The following SLC39A11 variants were observed in gnomAD, a reference collection of about 807,000 sequenced individuals.
SLC39A11 encodes the protein solute carrier family 39 member 11.
Under a neutral mutation model 36.1 loss-of-function variants are expected in SLC39A11, and 33 were observed. The ratio of observed to expected loss-of-function variants is 0.91; its 90% CI spans 0.69 to 1.22. The LOEUF is 1.22. Among genes scored for constraint, SLC39A11 ranks in the 50% most tolerant of loss-of-function variants. The pLI is 0.00. For synonymous variants in SLC39A11, 166 were observed against 170.3 expected (o/e 0.97, Z 0.20); for missense variants, 432 against 430.3 (o/e 1.00, Z -0.03).
At chr17:72,773,813 G>A (rs2076039453) in intron 6 of SLC39A11, among the ~76,000 whole-genome samples, 1 of 152,092 alleles carries the variant, frequency 6.6e-6, no homozygotes, top group South Asian at 2.1e-4. Context: ...CTGACCTGTA[G>A]ACCTAGAAAA....
At chr17:72,986,268 G>A (rs1186078665) in intron 4 of SLC39A11, among the ~76,000 whole-genome samples, 1 of 152,170 alleles carries the variant, frequency 6.6e-6, no homozygotes. Flanking sequence ...TTGAAAGCCA[G>A]GACACCCTAG....
intron 4 of SLC39A11, among the ~76,000 whole-genome samples, chr17:73,001,307 A>G (rs992023761): frequency 2.0e-5 from 3 of 150,130 alleles, no homozygotes; most frequent in African/African-American, 7.3e-5. Context: ...AATAACTGAT[A>G]TGCTTTCTAT....
At chr17:73,015,762 G>A (rs1458035684) in intron 4 of SLC39A11, among the ~76,000 whole-genome samples, 3 of 151,930 alleles carry the variant, frequency 2.0e-5, no homozygotes, top group Non-Finnish European at 4.4e-5. Flanking sequence ...TTTGTATTTT[G>A]ACTAGAGATG....
At chr17:72,943,411 T>C (rs1359139193) in intron 5 of SLC39A11, among the ~76,000 whole-genome samples, 4 of 152,368 alleles carry the variant, frequency 2.6e-5, no homozygotes, top group African/African-American at 9.6e-5. Flanking sequence ...CAGTTTCATT[T>C]TGCAAAACAT....
chr17:72,984,378 T>TAAA (rs35999729), intron 4 of SLC39A11, among the ~76,000 whole-genome samples: 5 of 146,802 alleles, frequency 3.4e-5, no homozygotes, highest in South Asian at 2.2e-4. Flanking sequence ...CTCAGACATT[T>TAAA]AAAAAAAAAA....
At chr17:73,016,817 CT>C (rs747468420) in intron 4 of SLC39A11, among the ~76,000 whole-genome samples, 54 of 152,214 alleles carry the variant, frequency 3.5e-4, no homozygotes, top group Non-Finnish European at 6.8e-4. Flanking sequence ...AGTTGGTTCC[CT>C]GAATCAGCCA....
chr17:72,996,241 C>T (rs896623990), intron 4 of SLC39A11, among the ~76,000 whole-genome samples: 2 of 152,182 alleles, frequency 1.3e-5, no homozygotes, highest in African/African-American at 4.8e-5. Flanking sequence ...CGTCTCTTAC[C>T]GCAGCTGCAC....
chr17:72,924,856 G>A (rs2083938811), intron 5 of SLC39A11, among the ~76,000 whole-genome samples: 1 of 152,042 alleles, frequency 6.6e-6, no homozygotes, highest in Admixed American at 6.5e-5. Flanking sequence ...ACAAAAATTA[G>A]CCAGGCATGG....
intron 7 of SLC39A11, among the ~76,000 whole-genome samples, chr17:72,711,351 G>C (rs906799177): frequency 6.6e-6 from 1 of 152,200 alleles, no homozygotes; most frequent in African/African-American, 2.4e-5. Flanking sequence ...GGTCCTTAAA[G>C]GGGGGAAGTG....
At chr17:73,010,078 C>T (rs2090428435) in intron 4 of SLC39A11, among the ~76,000 whole-genome samples, 1 of 152,122 alleles carries the variant, frequency 6.6e-6, no homozygotes, top group Admixed American at 6.5e-5. Flanking sequence ...CTGCTACCTG[C>T]CTTTCTGGAC....
intron 7 of SLC39A11, among the ~76,000 whole-genome samples, chr17:72,715,582 C>G (rs529649624): frequency 6.6e-6 from 1 of 152,236 alleles, no homozygotes; most frequent in South Asian, 2.1e-4. Context: ...CTATGAGGTC[C>G]CTAGAGGAGT....
intron 7 of SLC39A11, among the ~76,000 whole-genome samples, chr17:72,652,528 C>T (rs976679481): frequency 2.6e-5 from 4 of 152,182 alleles, no homozygotes; most frequent in African/African-American, 4.8e-5. Flanking sequence ...GCAGTAAGCA[C>T]GTAATCAATG....
At chr17:72,785,553 T>C (rs1414527691) in intron 6 of SLC39A11, among the ~76,000 whole-genome samples, 1 of 152,066 alleles carries the variant, frequency 6.6e-6, no homozygotes, top group Non-Finnish European at 1.5e-5. Context: ...AGCTCAAAGG[T>C]AGAGGGCGGA....
At chr17:73,012,267 C>G (rs2090565964) in intron 4 of SLC39A11, among the ~76,000 whole-genome samples, 1 of 151,916 alleles carries the variant, frequency 6.6e-6, no homozygotes, top group Non-Finnish European at 1.5e-5. Context: ...GAGCAAGACT[C>G]TGTCTCAAAA....
chr17:72,998,369 CAA>C (rs2089635177), intron 4 of SLC39A11, among the ~76,000 whole-genome samples: 1 of 152,172 alleles, frequency 6.6e-6, no homozygotes, highest in Non-Finnish European at 1.5e-5. Context: ...TCTTTAAGTC[CAA>C]AGTCATGCAC....
intron 5 of SLC39A11, among the ~76,000 whole-genome samples, chr17:72,898,694 G>A (rs966432072): frequency 6.6e-6 from 1 of 151,780 alleles, no homozygotes; most frequent in African/African-American, 2.4e-5. Flanking sequence ...TACATGCATT[G>A]TGCATATACA....
intron 5 of SLC39A11, among the ~76,000 whole-genome samples, chr17:72,934,967 C>T (rs955227821): frequency 1.4e-4 from 21 of 152,294 alleles, no homozygotes; most frequent in South Asian, 2.1e-4. Context: ...CTTTAGAAAA[C>T]GGTTTGGAGG....
intron 5 of SLC39A11, among the ~76,000 whole-genome samples, chr17:72,935,738 A>G (rs2084702007): frequency 6.6e-6 from 1 of 151,982 alleles, no homozygotes; most frequent in Non-Finnish European, 1.5e-5. Flanking sequence ...ACGCGCCACC[A>G]TGCCCAGCTA....
intron 5 of SLC39A11, among the ~76,000 whole-genome samples, chr17:72,871,857 G>C (rs538763942): frequency 6.6e-6 from 1 of 152,332 alleles, no homozygotes; most frequent in East Asian, 1.9e-4. Flanking sequence ...GGATGGGTGA[G>C]AGCCTGGATC....
Sources: allele counts gnomAD v4.1 joint callset (sites outside exome capture counted in the v4.1 genomes callset), GRCh38; gene constraint gnomAD v4.1.1; transcripts MANE v1.5; gene names NCBI Gene and HGNC (gene_info 2026-07-23, HGNC 2026-07-21).